Variants in CSMD1 observed in about 807,000 individuals in gnomAD.
CSMD1 encodes CUB and sushi domain-containing protein 1.
In CSMD1, 213 loss-of-function variants were observed where a neutral mutation model predicts 417.5. The observed-to-expected ratio is 0.51, with a 90% confidence interval of 0.46 to 0.57. The LOEUF (loss-of-function observed/expected upper bound fraction) is 0.57. Among genes scored for constraint, CSMD1 ranks in the 20% least tolerant of loss-of-function variants. The pLI is 0.00. For missense variants in CSMD1, 6,923 were observed against 4,529.7 expected, an observed-to-expected ratio of 1.53 and a Z score of -15.17; for synonymous variants, 2,862 against 1,736.8, an observed-to-expected ratio of 1.65 and a Z score of -16.11.
intron 3 of CSMD1, among the ~76,000 whole-genome samples, chr8:4,364,338 G>C (rs1461374690): frequency 6.6e-6 from 1 of 152,078 alleles, no homozygotes; most frequent in Non-Finnish European, 1.5e-5. Flanking sequence ...TTAAAATAAA[G>C]AGAAATCTTA....
intron 3 of CSMD1, among the ~76,000 whole-genome samples, chr8:4,157,137 T>C (rs906876860): frequency 9.8e-5 from 15 of 152,288 alleles, no homozygotes; most frequent in Admixed American, 6.5e-4. Context: ...GTGTATTTTA[T>C]ATTTTTAAGT....
chr8:4,610,252 C>G (rs1048204759), intron 2 of CSMD1, among the ~76,000 whole-genome samples: 2 of 152,122 alleles, frequency 1.3e-5, no homozygotes, highest in Admixed American at 1.3e-4. Context: ...TCATAGAGAT[C>G]AAGTGGGAAG....
chr8:4,373,084 G>C (rs955641647), intron 3 of CSMD1, among the ~76,000 whole-genome samples: 135 of 152,290 alleles, frequency 8.9e-4, no homozygotes, highest in African/African-American at 2.9e-3. Flanking sequence ...TACCTGTGTG[G>C]TCTGTCTCCC....
intron 5 of CSMD1, among the ~76,000 whole-genome samples, chr8:3,815,766 T>A (rs76856137): frequency 0.012 from 1,888 of 152,220 alleles, 42 homozygotes; most frequent in African/African-American, 0.043. Flanking sequence ...TAAAACCACA[T>A]TGTTCATTTG....
At chr8:4,168,400 C>G (rs533165213) in intron 3 of CSMD1, among the ~76,000 whole-genome samples, 158 of 151,776 alleles carry the variant, frequency 1.0e-3, no homozygotes, top group African/African-American at 3.8e-3. Flanking sequence ...TACTCTCTCT[C>G]TCAATATATA....
chr8:4,363,588 G>A (rs1801900266), intron 3 of CSMD1, among the ~76,000 whole-genome samples: 1 of 152,162 alleles, frequency 6.6e-6, no homozygotes, highest in Admixed American at 6.5e-5. Context: ...CTGCCTGGAG[G>A]ACCCATTTCA....
chr8:4,784,399 C>CA (rs1317774339), intron 1 of CSMD1, among the ~76,000 whole-genome samples: 13 of 152,160 alleles, frequency 8.5e-5, no homozygotes, highest in Admixed American at 8.5e-4. Context: ...CAAGCAATTA[C>CA]AAAGGGAAGA....
intron 3 of CSMD1, among the ~76,000 whole-genome samples, chr8:4,272,120 T>C (rs1197852436): frequency 1.3e-5 from 2 of 152,162 alleles, no homozygotes; most frequent in East Asian, 3.9e-4. Flanking sequence ...GGGGTGTGTG[T>C]GTGTGGCTGG....
At chr8:4,462,400 G>A (rs926074994) in intron 2 of CSMD1, among the ~76,000 whole-genome samples, 6 of 151,944 alleles carry the variant, frequency 3.9e-5, no homozygotes, top group African/African-American at 1.5e-4. Context: ...ACTTAATATA[G>A]ATAAGATGGC....
intron 3 of CSMD1, among the ~76,000 whole-genome samples, chr8:4,357,310 C>A (rs1163588681): frequency 6.6e-6 from 1 of 152,194 alleles, no homozygotes; most frequent in Non-Finnish European, 1.5e-5. Context: ...TCTCACATTT[C>A]CTCCTGATAT....
intron 3 of CSMD1, among the ~76,000 whole-genome samples, chr8:4,387,728 T>C (rs1276456788): frequency 6.6e-6 from 1 of 152,122 alleles, no homozygotes; most frequent in African/African-American, 2.4e-5. Context: ...TTAGCTAAAA[T>C]AGACATATTT....
chr8:3,705,685 C>T (rs1427631722), intron 7 of CSMD1, among the ~76,000 whole-genome samples: 1 of 152,236 alleles, frequency 6.6e-6, no homozygotes, highest in Middle Eastern at 3.2e-3. Flanking sequence ...TCTGTCATAT[C>T]CGCAACAAAA....
At chr8:3,083,057 G>C (rs1814222975) in intron 49 of CSMD1, among the ~76,000 whole-genome samples, 1 of 152,112 alleles carries the variant, frequency 6.6e-6, no homozygotes, top group Admixed American at 6.5e-5. Context: ...TAAAGAAAGA[G>C]CTCACCTAGT....
chr8:3,698,523 C>T (rs1347618549), intron 7 of CSMD1, among the ~76,000 whole-genome samples: 1 of 152,208 alleles, frequency 6.6e-6, no homozygotes, highest in Non-Finnish European at 1.5e-5. Context: ...ATCTGGCACA[C>T]GGATTAGCAG....
chr8:4,544,748 G>A (rs944269976), intron 2 of CSMD1, among the ~76,000 whole-genome samples: 1 of 152,146 alleles, frequency 6.6e-6, no homozygotes. Flanking sequence ...CAGTGTCAGA[G>A]CAAATCCATT....
intron 3 of CSMD1, among the ~76,000 whole-genome samples, chr8:4,418,101 G>T (rs7831429): frequency 0.028 from 4,211 of 151,672 alleles, 195 homozygotes; most frequent in African/African-American, 0.097. Flanking sequence ...ATACAATTTT[G>T]GTTTAGCCAA....
intron 9 of CSMD1, among the ~76,000 whole-genome samples, chr8:3,584,476 G>C (rs925107290): frequency 7.9e-5 from 12 of 152,122 alleles, no homozygotes; most frequent in Admixed American, 1.3e-4. Context: ...AGAAGGATGG[G>C]AGAAATGTCT....
chr8:3,341,558 A>C (rs1342526608), intron 23 of CSMD1, among the ~76,000 whole-genome samples: 1 of 152,144 alleles, frequency 6.6e-6, no homozygotes, highest in Non-Finnish European at 1.5e-5. Flanking sequence ...ACAGGAAGGG[A>C]AAAAGTGAGC....
At chr8:4,251,506 A>G (rs963007162) in intron 3 of CSMD1, among the ~76,000 whole-genome samples, 14 of 152,294 alleles carry the variant, frequency 9.2e-5, no homozygotes, top group African/African-American at 3.4e-4. Flanking sequence ...AGGACAAGAT[A>G]GTTATATCAA....
Sources: allele counts gnomAD v4.1 joint callset (sites outside exome capture counted in the v4.1 genomes callset), GRCh38; gene constraint gnomAD v4.1.1; transcripts MANE v1.5; gene names NCBI Gene and HGNC (gene_info 2026-07-23, HGNC 2026-07-21).